The following TAFA5 variants were observed in gnomAD, a reference collection of about 807,000 sequenced individuals.
TAFA5 encodes chemokine-like protein TAFA-5.
Under a neutral mutation model 15.3 loss-of-function variants are expected in TAFA5, and 6 were observed. The observed-to-expected ratio is 0.39, with a 90% confidence interval of 0.21 to 0.77. The LOEUF (loss-of-function observed/expected upper bound fraction) is 0.77. Among genes scored for constraint, TAFA5 ranks in the 30% least tolerant of loss-of-function variants. The pLI is 0.41. For synonymous variants in TAFA5, 103 were observed against 80.7 expected (o/e 1.28, Z -1.48); for missense variants, 161 against 193.1 (o/e 0.83, Z 0.98).
chr22:48,609,649 G>A (rs993563694), intron 1 of TAFA5, among the ~76,000 whole-genome samples: 7 of 152,194 alleles, frequency 4.6e-5, no homozygotes, highest in Admixed American at 6.5e-5. Context: ...TGAGGATGGT[G>A]TATGAGTTCC....
At chr22:48,622,382 C>T (rs964190259) in intron 1 of TAFA5, among the ~76,000 whole-genome samples, 5 of 152,178 alleles carry the variant, frequency 3.3e-5, no homozygotes, top group African/African-American at 4.8e-5. Context: ...CTGCCCCAGA[C>T]GCTTGTTAGA....
Position 48,697,065 on chromosome 22 carries a change from G to A in TAFA5, c.263-10652G>A, listed in dbSNP as rs75073212. On this transcript the variant is annotated intron_variant, in intron 2 of 3. Coordinates refer to ENST00000402357, the MANE Select transcript of TAFA5 (RefSeq NM_001082967.3). ...GGCGTGCCAGGCACATGTTCCCTGG[G>A]CACAGGGATGGAAGTTCTGAGCTGT... Among the ~76,000 whole-genome samples, 463 of 152,356 alleles carry A rather than the reference G, an allele frequency of 3.0e-3. 8 individuals are homozygous for A. The South Asian group carries it at 0.031, about 10-fold the overall frequency.
At chr22:48,624,815 C>G (rs910798161) in intron 1 of TAFA5, among the ~76,000 whole-genome samples, 1 of 152,154 alleles carries the variant, frequency 6.6e-6, no homozygotes, top group Non-Finnish European at 1.5e-5. Flanking sequence ...AAACCTAGGT[C>G]TTGGCCGGGT....
chr22:48,620,195 T>A (rs2147180807), intron 1 of TAFA5, among the ~76,000 whole-genome samples: 1 of 152,170 alleles, frequency 6.6e-6, no homozygotes, highest in Admixed American at 6.5e-5. Flanking sequence ...TCGTGCCCAC[T>A]GCCCCCTTGG....
intron 2 of TAFA5, among the ~76,000 whole-genome samples, chr22:48,648,349 G>A (rs5771877): frequency 3.9e-5 from 6 of 152,252 alleles, no homozygotes; most frequent in Non-Finnish European, 5.9e-5. Flanking sequence ...GCCCAACTTC[G>A]GATCCCACCG....
chr22:48,613,464 A>C (rs1476794860), intron 1 of TAFA5, among the ~76,000 whole-genome samples: 1 of 150,132 alleles, frequency 6.7e-6, no homozygotes, highest in East Asian at 2.0e-4. Flanking sequence ...CATCTCCCCC[A>C]CTCTGTTTGT....
chr22:48,611,134 C>T (rs1925392873), intron 1 of TAFA5, among the ~76,000 whole-genome samples: 1 of 152,162 alleles, frequency 6.6e-6, no homozygotes, highest in South Asian at 2.1e-4. Context: ...GGGGTTTCAC[C>T]ATGTTGGCCA....
At chr22:48,716,081 C>T (rs1405429270) in intron 3 of TAFA5, among the ~76,000 whole-genome samples, 1 of 152,118 alleles carries the variant, frequency 6.6e-6, no homozygotes, top group Non-Finnish European at 1.5e-5. Flanking sequence ...TTTCTGAGGC[C>T]TCTGTTCTGT....
intron 1 of TAFA5, among the ~76,000 whole-genome samples, chr22:48,512,159 G>C (rs1477818557): frequency 6.6e-6 from 1 of 152,190 alleles, no homozygotes; most frequent in Non-Finnish European, 1.5e-5. Context: ...AGGCTGCAAG[G>C]GGACTGAGCC....
intron 3 of TAFA5, among the ~76,000 whole-genome samples, chr22:48,743,522 T>A (rs1249481475): frequency 3.9e-5 from 6 of 152,194 alleles, no homozygotes; most frequent in Non-Finnish European, 7.3e-5. Context: ...TCTTCATGTC[T>A]GTTACTGTAG....
chr22:48,707,895 G>A lies in TAFA5; in HGVS notation c.390+51G>A, dbSNP rs941073859. 43 of 1,581,122 alleles carry A rather than the reference G, an allele frequency of 2.7e-5. No individual in the cohort carries two copies. In the Admixed American group the frequency reaches 3.1e-4, roughly 11 times the overall value. ...GGTGTGCTGGGGAGGGGGTATGTGT[G>A]TGCGGGCCTCCGACGCCACCCGGGC... On this transcript the variant is annotated intron_variant, in intron 3 of 3. Coordinates refer to ENST00000402357, the MANE Select transcript of TAFA5 (RefSeq NM_001082967.3).
At chr22:48,674,823 C>T (rs906787998) in intron 2 of TAFA5, among the ~76,000 whole-genome samples, 7 of 152,170 alleles carry the variant, frequency 4.6e-5, no homozygotes, top group East Asian at 1.9e-4. Context: ...ACAGTTTTAT[C>T]GGGACACTGT....
chr22:48,625,556 A>G (rs991163652), intron 1 of TAFA5, among the ~76,000 whole-genome samples: 1 of 152,212 alleles, frequency 6.6e-6, no homozygotes, highest in African/African-American at 2.4e-5. Context: ...TTTTGCTTTC[A>G]GTCTTACAGA....
At chr22:48,685,896 CT>C (rs1928337644) in intron 2 of TAFA5, among the ~76,000 whole-genome samples, 1 of 152,066 alleles carries the variant, frequency 6.6e-6, no homozygotes, top group African/African-American at 2.4e-5. Flanking sequence ...ATGCAGATGC[CT>C]TCCCTTAGTA....
intron 1 of TAFA5, among the ~76,000 whole-genome samples, chr22:48,523,913 C>T (rs1311419059): frequency 2.0e-5 from 3 of 152,178 alleles, no homozygotes; most frequent in Non-Finnish European, 4.4e-5. Context: ...CACCACAGGC[C>T]GCCCAGGCGA....
chr22:48,713,310 T>G (rs529368861), intron 3 of TAFA5, among the ~76,000 whole-genome samples: 1 of 152,300 alleles, frequency 6.6e-6, no homozygotes, highest in East Asian at 1.9e-4. Flanking sequence ...TCGTGGGGGC[T>G]CGGATGTCTA....
intron 1 of TAFA5, among the ~76,000 whole-genome samples, chr22:48,635,822 G>A (rs964927395): frequency 2.0e-5 from 3 of 152,264 alleles, no homozygotes; most frequent in African/African-American, 7.2e-5. Context: ...TTGGGTCCTG[G>A]GGGCTGAGCA....
chr22:48,730,652 A>G (rs538693310), intron 3 of TAFA5, among the ~76,000 whole-genome samples: 5 of 152,174 alleles, frequency 3.3e-5, no homozygotes, highest in Non-Finnish European at 4.4e-5. Context: ...CTTTATTACT[A>G]TATCTGTTAC....
At chr22:48,588,922 C>A (rs1924459655) in intron 1 of TAFA5, among the ~76,000 whole-genome samples, 1 of 152,224 alleles carries the variant, frequency 6.6e-6, no homozygotes, top group African/African-American at 2.4e-5. Flanking sequence ...TCTTCAAAGT[C>A]AGCCTCTGCC....
Sources: gnomAD v4.1 joint callset for allele counts (sites outside exome capture counted in the v4.1 genomes callset) on GRCh38, gnomAD v4.1.1 for gene constraint, MANE v1.5 for transcripts, NCBI Gene and HGNC (gene_info 2026-07-23, HGNC 2026-07-21) for gene names.